MMP26: variants seen among roughly 807,000 people sequenced by gnomAD.
MMP26 encodes matrix metalloproteinase-26.
Under a neutral mutation model 31.0 loss-of-function variants are expected in MMP26, and 33 were observed. That is an observed-to-expected ratio of 1.06 (90% CI 0.81 to 1.42). The LOEUF (loss-of-function observed/expected upper bound fraction) is 1.42. Ranked by LOEUF, MMP26 falls within the 40% of genes most tolerant of loss-of-function variation. The probability of loss-of-function intolerance (pLI) is 0.00; values close to 1 mark genes in which losing one functional copy is unlikely to be tolerated. For synonymous variants in MMP26, 122 were observed against 114.9 expected (o/e 1.06, Z -0.40); for missense variants, 347 against 316.1 (o/e 1.10, Z -0.74).
intron 2 of MMP26, among the ~76,000 whole-genome samples, chr11:4,922,905 G>A (rs1314687717): frequency 6.6e-6 from 1 of 152,024 alleles, no homozygotes; most frequent in Non-Finnish European, 1.5e-5. Flanking sequence ...ATATAGATAT[G>A]TACAAATATG....
chr11:4,823,397 A>G (rs982885574), intron 2 of MMP26, among the ~76,000 whole-genome samples: 2 of 152,094 alleles, frequency 1.3e-5, no homozygotes, highest in African/African-American at 4.8e-5. Flanking sequence ...TTCTCCCCCA[A>G]ACAACATTAA....
intron 2 of MMP26, chr11:4,804,012 C>T (rs1226937211): frequency 1.2e-6 from 2 of 1,613,734 alleles, no homozygotes. Context: ...CGTAGCAGTC[C>T]AGGGCCATAG....
intron 1 of MMP26, among the ~76,000 whole-genome samples, chr11:4,746,552 T>C (rs1297464931): frequency 2.0e-5 from 3 of 152,052 alleles, no homozygotes; most frequent in Non-Finnish European, 1.5e-5. Flanking sequence ...AGAATATAAA[T>C]TGGGGCCGGG....
rs192610956 is a variant in MMP26 at position 4,872,102 on chromosome 11, A to G, written c.-145+104761A>G. ...GCAGTAATAATAGTGCTTTTCCACT[A>G]AGGTTTTTGTATCTTTAAATGAGAT... On this transcript the variant is annotated intron_variant, in intron 2 of 7. Transcript: ENST00000380390. Among the ~76,000 whole-genome samples the G allele has an allele frequency of 1.6e-4, 25 of 152,216 alleles. No homozygotes were observed. In the East Asian group the frequency reaches 2.5e-3, roughly 15 times the overall value.
chr11:4,864,332 G>A (rs1380516348), intron 2 of MMP26, among the ~76,000 whole-genome samples: 1 of 152,184 alleles, frequency 6.6e-6, no homozygotes, highest in Non-Finnish European at 1.5e-5. Context: ...ACTCGAGCCT[G>A]TGCCTTTGTG....
chr11:4,795,730 G>A (rs1251294604), intron 2 of MMP26, among the ~76,000 whole-genome samples: 1 of 151,890 alleles, frequency 6.6e-6, no homozygotes, highest in East Asian at 1.9e-4. Flanking sequence ...TATGCCTGTG[G>A]GCAGGTCTAA....
chr11:4,763,799 T>C (rs892980597), intron 1 of MMP26, among the ~76,000 whole-genome samples: 1 of 152,204 alleles, frequency 6.6e-6, no homozygotes, highest in Non-Finnish European at 1.5e-5. Context: ...TTTTGCACAT[T>C]TTTAAATTCT....
chr11:4,887,558 TC>T lies in MMP26; in HGVS notation c.-144-100509del, dbSNP rs1180725029. Among the ~76,000 whole-genome samples, 4 of 152,302 alleles carry T rather than the reference TC, an allele frequency of 2.6e-5. No homozygotes were observed. In the South Asian group the frequency reaches 8.3e-4, roughly 32 times the overall value. On this transcript the variant is annotated intron_variant, in intron 2 of 7. Coordinates refer to ENST00000380390, the MANE Select transcript of MMP26 (RefSeq NM_021801.5). ...ACATGAACTGTTTTTCAGGACAGCT[TC>T]TTTGACTTGAAATTTATAGTTACTC...
In MMP26 at chr11:4,821,519, T is replaced by G. The variant is rs1185526048; in HGVS notation, c.-145+54178T>G. The G allele has an allele frequency of 2.6e-5, 42 of 1,612,058 alleles. No homozygotes were observed. Among genetic ancestry groups the G allele is most frequent in the Non-Finnish European group, 3.5e-5 (41 of 1,179,290 alleles). ...ACCCAGTACTGGATCTCCATCCCTT[T>G]TTGTCTCCTATATGTTGTTGCCGTC... On this transcript the variant is annotated intron_variant, in intron 2 of 7. Coordinates refer to ENST00000380390, the MANE Select transcript of MMP26 (RefSeq NM_021801.5).
chr11:4,781,314 G>A lies in MMP26; in HGVS notation c.-145+13973G>A, dbSNP rs556259436. The stretch of plus-strand genomic sequence containing the variant: ...CTTAAAAACTGATTGCAGGGAGGCC[G>A]AGGTGGGTGGATCATGAGGTCAGGA... On this transcript the variant is annotated intron_variant, in intron 2 of 7. Coordinates refer to ENST00000380390, the MANE Select transcript of MMP26 (RefSeq NM_021801.5). Among the ~76,000 whole-genome samples the A allele has an allele frequency of 8.2e-4, 59 of 71,686 alleles. 8 individuals are homozygous for A. In the South Asian group the frequency reaches 0.017, roughly 21 times the overall value. The allele number at this position is 71,686 out of a possible 152,430, so 47.0% of individuals were successfully genotyped here. A position where few individuals can be genotyped will look rare whatever the true frequency, so the allele number is the denominator to read the frequency against.
chr11:4,777,823 C>T (rs987714252), intron 2 of MMP26, among the ~76,000 whole-genome samples: 1 of 151,998 alleles, frequency 6.6e-6, no homozygotes, highest in African/African-American at 2.4e-5. Flanking sequence ...CTATACCTCA[C>T]CTTAATTAAC....
intron 2 of MMP26, chr11:4,908,202 T>G: frequency 6.2e-7 from 1 of 1,614,212 alleles, no homozygotes. Flanking sequence ...ATTGCAGATA[T>G]GTTCTTGTTG....
intron 2 of MMP26, among the ~76,000 whole-genome samples, chr11:4,967,348 G>A (rs1846610221): frequency 6.6e-6 from 1 of 152,172 alleles, no homozygotes; most frequent in African/African-American, 2.4e-5. Flanking sequence ...AGTGCAGCAA[G>A]AATCGCAATT....
intron 2 of MMP26, among the ~76,000 whole-genome samples, chr11:4,957,882 G>T (rs1205703466): frequency 1.3e-5 from 2 of 152,032 alleles, no homozygotes; most frequent in Admixed American, 6.6e-5. Context: ...GTTTTGCCAT[G>T]TTGGCCAGGC....
rs925873459 is a variant in MMP26 at position 4,721,348 on chromosome 11, T to A, written c.-217+16303T>A. Among the ~76,000 whole-genome samples the A allele has an allele frequency of 2.0e-5, 3 of 152,198 alleles. No homozygotes were observed. In the South Asian group the frequency reaches 6.2e-4, roughly 32 times the overall value. ...TCACCAAGTATCATTACATACAATC[T>A]TCTGAAAGCATGCTAGTTGACAATT... On this transcript the variant is annotated intron_variant, in intron 1 of 7. Transcript: ENST00000380390.
chr11:4,754,143 T>G (rs1428548321), intron 1 of MMP26, among the ~76,000 whole-genome samples: 1 of 151,778 alleles, frequency 6.6e-6, no homozygotes, highest in East Asian at 1.9e-4. Flanking sequence ...TTTGAAAGTT[T>G]GGATAAATTG....
chr11:4,799,383 G>C (rs1163620097), intron 2 of MMP26, among the ~76,000 whole-genome samples: 5 of 151,970 alleles, frequency 3.3e-5, no homozygotes, highest in Admixed American at 1.3e-4. Flanking sequence ...GGGGTCTCAG[G>C]CTCTATTAAA....
intron 1 of MMP26, among the ~76,000 whole-genome samples, chr11:4,739,968 A>G (rs1564898590): frequency 6.6e-6 from 1 of 152,220 alleles, no homozygotes; most frequent in Non-Finnish European, 1.5e-5. Flanking sequence ...TTAATATCCT[A>G]AATATATGAA....
At chr11:4,971,234 G>T (rs188137882) in intron 2 of MMP26, among the ~76,000 whole-genome samples, 85 of 152,240 alleles carry the variant, frequency 5.6e-4, no homozygotes, top group African/African-American at 1.9e-3. Context: ...GCCTGAACTT[G>T]GGCCTCTAAC....
Sources: gnomAD v4.1 joint callset for allele counts (sites outside exome capture counted in the v4.1 genomes callset) on GRCh38, gnomAD v4.1.1 for gene constraint, MANE v1.5 for transcripts, NCBI Gene and HGNC (gene_info 2026-07-23, HGNC 2026-07-21) for gene names.